PLXNB3: variants seen among roughly 807,000 people sequenced by gnomAD.
PLXNB3 encodes the protein plexin B3.
Under a neutral mutation model 125.7 loss-of-function variants are expected in PLXNB3, and 80 were observed. The ratio of observed to expected loss-of-function variants is 0.64; its 90% CI spans 0.53 to 0.77. The LOEUF (loss-of-function observed/expected upper bound fraction) is 0.77, where lower values mean the gene tolerates loss of function less well. Among genes scored for constraint, PLXNB3 ranks in the 30% least tolerant of loss-of-function variants. PLXNB3 has a pLI of 0.00. For missense variants in PLXNB3, 1,836 were observed against 1,729.3 expected (o/e 1.06, Z -1.09); for synonymous variants, 954 against 783.3 (o/e 1.22, Z -3.64).
chrX:153,776,945 C>T lies in PLXNB3; in HGVS notation c.4892C>T (p.Ser1631Phe). 1 of 1,197,892 alleles carries T rather than the reference C, an allele frequency of 8.3e-7. No homozygotes were observed. Among genetic ancestry groups the T allele is most frequent in the Non-Finnish European group, 1.1e-6 (1 of 887,271 alleles). Residue 1631 changes from serine to phenylalanine, a missense_variant, in exon 29 of 36, where the codon TCC becomes TTC. Transcript: ENST00000361971. ...CAGCTGCACCGTGGCAGCACCATCTCCCAGAGCCTGGCCCAGAGGTGCCCC... is the reference window on the plus strand; with the variant it reads ...CAGCTGCACCGTGGCAGCACCATCTTCCAGAGCCTGGCCCAGAGGTGCCCC... ...VPQLHRGSTI[S>F]QSLAQRCPLG...
At chrX:153,775,559 C>A (rs781799992) in intron 25 of PLXNB3, 35 bp from the exon 26 acceptor site, 18 of 1,188,612 alleles carry the variant, frequency 1.5e-5, no homozygotes, top group Non-Finnish European at 1.9e-5. Flanking sequence ...GGGACACAGG[C>A]ACAAAGGCCT....
At chrX:153,773,167 G>A (rs2091951979) in intron 17 of PLXNB3, 63 bp from the exon 18 acceptor site, 1 of 1,122,635 alleles carries the variant, frequency 8.9e-7, no homozygotes, top group South Asian at 2.1e-5. Context: ...ACGGGGGTTG[G>A]GCCAGGGCTG....
intron 7 of PLXNB3, 56 bp from the exon 8 acceptor site, chrX:153,770,036 C>A: frequency 8.4e-7 from 1 of 1,196,162 alleles, no homozygotes; most frequent in Non-Finnish European, 1.1e-6. Context: ...CTCCCATGGC[C>A]TCTGCTGCCC....
chrX:153,777,305 C>T lies in PLXNB3; in HGVS notation c.5025C>T (p.Ser1675=), dbSNP rs782648109. 6.6e-6 allele frequency: 8 copies of T among 1,204,954 alleles called. No homozygotes were observed. In the African/African-American group the frequency reaches 1.4e-4, roughly 21 times the overall value. Residue 1675 remains serine (S), a synonymous_variant, in exon 30 of 36, where the codon AGC becomes AGT. Coordinates refer to ENST00000361971, the MANE Select transcript of PLXNB3 (RefSeq NM_005393.3). The stretch of plus-strand genomic sequence containing the variant: ...CAGAAGGGGCCAAGGTGCGGTGCAG[C>T]AGCCTGCGGGAGCGCGAGCCAGCAA... ...EEPEGAKVRC[S]SLREREPARA...
chrX:153,777,551 C>G lies in PLXNB3; in HGVS notation c.5124C>G (p.Asp1708Glu). ...SMKGTLQKFV[D>E]DTFQAILSVN... is the part of the protein sequence containing the mutation. ...AGGGCACGCTGCAGAAGTTTGTGGACGACACCTTCCAGGCCATTCTCAGCG... is the reference window on the plus strand; with the variant it reads ...AGGGCACGCTGCAGAAGTTTGTGGAGGACACCTTCCAGGCCATTCTCAGCG... Residue 1708 changes from aspartate to glutamate, a missense_variant, in exon 31 of 36, where the codon GAC becomes GAG. Transcript: ENST00000361971. The G allele has an allele frequency of 1.7e-6, 2 of 1,211,703 alleles. No individual in the cohort carries two copies. The highest frequency in any genetic ancestry group is 2.2e-6 in the Non-Finnish European group (2 of 895,426).
chrX:153,772,936 C>T lies in PLXNB3; in HGVS notation c.2826C>T (p.Gly942=), dbSNP rs782020733. 5.1e-6 allele frequency: 6 copies of T among 1,184,241 alleles called. No individual in the cohort carries two copies. The African/African-American group carries it at 1.1e-4, about 21-fold the overall frequency. ...LSPRWGPQAG[G]TQLTIRGQHL... is the part of the protein sequence containing the mutation. ...CTCGCTGGGGCCCCCAGGCAGGGGG[C>T]ACCCAGCTCACCATCCGAGGTCAGC... The change falls in exon 17 of 36, where the codon GGC becomes GGT. Residue 942 remains glycine (G), a synonymous_variant. Transcript: ENST00000361971.
At chrX:153,766,293 T>C in intron 2 of PLXNB3, 1 of 1,163,320 alleles carries the variant, frequency 8.6e-7, no homozygotes, top group Non-Finnish European at 1.1e-6. Flanking sequence ...CTGCGGAGGG[T>C]TCCTCCTTGC....
At chrX:153,771,697 C>T (rs2091931771) in intron 14 of PLXNB3, 42 bp downstream of exon 14, 1 of 1,145,025 alleles carries the variant, frequency 8.7e-7, no homozygotes, top group Non-Finnish European at 1.2e-6. Flanking sequence ...TGGCCCACTT[C>T]TCCTGCCCCG....
chrX:153,768,158 C>G (rs2091880421), intron 3 of PLXNB3, 91 bp from the exon 4 acceptor site: 3 of 984,494 alleles, frequency 3.0e-6, no homozygotes, highest in Non-Finnish European at 2.8e-6. Context: ...CCCAGGGTGC[C>G]TGGCTCTCCT....
Position 153,770,754 on chromosome X carries a change from C to T in PLXNB3, c.2011-4C>T. ...TGAAGGGCTGAGGGCTCTTGTTTTC[C>T]CAGGTGGACATCCAGGTGCGTGGCC... On this transcript the variant is annotated splice_region_variant and splice_polypyrimidine_tract_variant and intron_variant, in intron 10 of 35. Transcript: ENST00000361971. 8.3e-7 allele frequency: 1 copy of T among 1,204,310 alleles called. No individual in the cohort carries two copies. The highest frequency in any genetic ancestry group is 1.1e-6 in the Non-Finnish European group (1 of 890,272).
intron 6 of PLXNB3, among the ~76,000 whole-genome samples, 179 bp from the exon 7 acceptor site, chrX:153,769,628 G>A (rs113986125): frequency 0.015 from 1,712 of 113,054 alleles, 41 homozygotes; most frequent in African/African-American, 0.052. Flanking sequence ...TGGAGCCCAC[G>A]CCTTGGCCAT....
At position 153,769,936 on chromosome X, in the gene PLXNB3, C is replaced by T. The variant is rs781907218; in HGVS notation, c.1626C>T (p.Gly542=). Residue 542 remains glycine, a synonymous_variant, in exon 7 of 36, where the codon GGC becomes GGT. Coordinates refer to ENST00000361971, the MANE Select transcript of PLXNB3 (RefSeq NM_005393.3). ...GCCACCACCCCCGCCAGGAGCAGGGCCAGGTAAGCCGCCCACCACCACTGG... is the reference window on the plus strand; with the variant it reads ...GCCACCACCCCCGCCAGGAGCAGGGTCAGGTAAGCCGCCCACCACCACTGG... ...LPGHHPRQEQ[G]QVTLSVPRLP... is the part of the protein sequence containing the mutation. 1.7e-6 allele frequency: 2 copies of T among 1,205,161 alleles called. No homozygotes were observed. The highest frequency in any genetic ancestry group is 2.2e-6 in the Non-Finnish European group (2 of 892,493).
rs782590076 is a variant in PLXNB3, at chrX:153,775,999, G to A, written c.4514G>A (p.Arg1505His). ...GKAKRTLNDS[R>H]LLREDVEFQP... ...GCCAAACGGACCCTGAATGATAGCC[G>A]CTTGCTGCGGGAGGACGTGGAGTTC... is the stretch of plus-strand genomic sequence containing the variant. Residue 1505 changes from arginine (R) to histidine (H), a missense_variant, in exon 27 of 36, where the codon CGC becomes CAC. Physicochemically the swap from Arg to His is conservative, Grantham distance 29 (BLOSUM62 0). Coordinates refer to ENST00000361971, the MANE Select transcript of PLXNB3 (RefSeq NM_005393.3). The A allele has an allele frequency of 3.8e-5, 46 of 1,207,972 alleles. No homozygotes were observed. The highest frequency in any genetic ancestry group is 2.3e-4 in the Middle Eastern group (1 of 4,369).
Position 153,770,740 on chromosome X carries a change from G to A in PLXNB3, c.2011-18G>A, listed in dbSNP as rs1000652835. Reference sequence around the variant, plus strand: ...GGCCCTTTGAGTTCTGAAGGGCTGAGGGCTCTTGTTTTCCCAGGTGGACAT... The same window carrying A: ...GGCCCTTTGAGTTCTGAAGGGCTGAAGGCTCTTGTTTTCCCAGGTGGACAT... On this transcript the variant is annotated intron_variant, in intron 10 of 35. Coordinates refer to ENST00000361971, the MANE Select transcript of PLXNB3 (RefSeq NM_005393.3). The A allele has an allele frequency of 4.2e-6, 5 of 1,203,044 alleles. No homozygotes were observed. The Admixed American group carries it at 1.1e-4, about 26-fold the overall frequency.
rs782425266 is a variant in PLXNB3 at position 153,771,355 on chromosome X, G to A, written c.2299G>A (p.Val767Ile). 6.9e-5 allele frequency: 83 copies of A among 1,209,284 alleles called. No homozygotes were observed. Among genetic ancestry groups the A allele is most frequent in the African/African-American group, 5.2e-4 (30 of 57,550 alleles). The change falls in exon 13 of 36, where the codon GTC (valine) becomes ATC (isoleucine). Residue 767 changes from valine (V) to isoleucine (I), a missense_variant. By Grantham distance (29) the Val-to-Ile change is conservative. Transcript: ENST00000361971. ...SQRELPVPIY[V>I]TQGEAQRLDN... ...GCGGGAGCTCCCAGTGCCCATCTAC[G>A]TCACCCAGGGTGAAGCCCAGAGGCT... is the stretch of plus-strand genomic sequence containing the variant.
Position 153,770,293 on chromosome X carries a change from G to A in PLXNB3, c.1786+45G>A, listed in dbSNP as rs782461192. 10 of 1,201,886 alleles carry A rather than the reference G, an allele frequency of 8.3e-6. No homozygotes were observed. In the East Asian group the frequency reaches 8.9e-5, roughly 11 times the overall value. ...GGGGGCTGGGATGGAGGCTGGAGGG[G>A]TAATGAGCCACCTGACCTGTCCTGC... On this transcript the variant is annotated intron_variant, in intron 8 of 35. Coordinates refer to ENST00000361971, the MANE Select transcript of PLXNB3 (RefSeq NM_005393.3).
intron 2 of PLXNB3, chrX:153,765,963 C>T: frequency 1.3e-6 from 1 of 754,354 alleles, no homozygotes; most frequent in African/African-American, 2.3e-5. Context: ...TCCAGTCTGG[C>T]ACCCCTCCCT....
rs1815143139 is a variant in PLXNB3 at position 153,776,351 on chromosome X, T to A, written c.4730-5T>A. On this transcript the variant is annotated splice_region_variant and splice_polypyrimidine_tract_variant and intron_variant, in intron 27 of 35. Transcript: ENST00000361971. The stretch of plus-strand genomic sequence containing the variant: ...TAGACTATCTGCTTCCCTGACTCCC[T>A]CCAGAGTGGCGCTCAGGCCTGGCTG... 2.6e-6 allele frequency: 3 copies of A among 1,171,727 alleles called. No homozygotes were observed. In the Admixed American group the frequency reaches 6.8e-5, roughly 27 times the overall value.
At chrX:153,768,812 G>A (rs1183225308) in intron 4 of PLXNB3, 136 bp from the exon 5 acceptor site, 4 of 707,045 alleles carry the variant, frequency 5.7e-6, no homozygotes, top group Non-Finnish European at 8.5e-6. Flanking sequence ...TGGGGGAAGT[G>A]ATGTGTCCTC....
Sources: gnomAD v4.1 joint callset for allele counts (sites outside exome capture counted in the v4.1 genomes callset) on GRCh38, gnomAD v4.1.1 for gene constraint, MANE v1.5 for transcripts, NCBI Gene and HGNC (gene_info 2026-07-23, HGNC 2026-07-21) for gene names.